KRT25: variants seen among roughly 807,000 people sequenced by gnomAD.
KRT25 encodes keratin 25.
In KRT25, 37 loss-of-function variants were observed where a neutral mutation model predicts 47.6. The observed-to-expected ratio is 0.78, with a 90% CI of 0.60 to 1.02. KRT25 has a LOEUF of 1.02. Ranked by LOEUF, KRT25 falls within the 50% of genes least tolerant of loss-of-function variation. The pLI is 0.00. For synonymous variants in KRT25, 203 were observed against 210.2 expected, an observed-to-expected ratio of 0.97 and a Z score of 0.30; for missense variants, 542 against 550.3, an observed-to-expected ratio of 0.98 and a Z score of 0.15.
chr17:40,754,396 A>G lies in KRT25; in HGVS notation c.502T>C (p.Phe168Leu), dbSNP rs2038084687. 6.2e-7 allele frequency: 1 copy of G among 1,613,606 alleles called. No homozygotes were observed. Among genetic ancestry groups the G allele is most frequent in the African/African-American group, 1.3e-5 (1 of 75,034 alleles). The change falls in exon 2 of 8, where the codon TTC (phenylalanine) becomes CTC (leucine). Residue 168 changes from phenylalanine to leucine, a missense_variant. Coordinates refer to ENST00000312150, the MANE Select transcript of KRT25 (RefSeq NM_181534.4). Reference protein sequence around the residue: ...IDNARLTADDFRLKYENELAL... With the variant: ...IDNARLTADDLRLKYENELAL... ...TGGCAGTCTACTTACTTGAGTCTGA[A>G]ATCATCAGCTGTAAGCCTGGCATTA...
chr17:40,749,338 C>T lies in KRT25; in HGVS notation c.1176-13G>A, dbSNP rs368528063. On this transcript the variant is annotated splice_polypyrimidine_tract_variant and intron_variant, in intron 6 of 7. Transcript: ENST00000312150. Reference sequence around the variant, plus strand: ...AGACTTACAGGCTCTGTGAAAACATCGCAAAAGAGGGTGATTTAGAGAGAA... The same window carrying T: ...AGACTTACAGGCTCTGTGAAAACATTGCAAAAGAGGGTGATTTAGAGAGAA... The T allele has an allele frequency of 2.4e-5, 39 of 1,601,270 alleles. No individual in the cohort carries two copies. Among genetic ancestry groups the T allele is most frequent in the African/African-American group, 1.1e-4 (8 of 74,614 alleles).
chr17:40,755,195 C>T lies in KRT25; in HGVS notation c.77G>A (p.Gly26Glu), dbSNP rs774115108. ...ATTTCCAGTACCAAAGCTGGTTCCC[C>T]CACCATAGAGTCTGAGTGATCCAGT... ...PTTGSLRLYG[G>E]GTSFGTGNSC... is the part of the protein sequence containing the mutation. Residue 26 changes from glycine (G) to glutamate (E), a missense_variant, in exon 1 of 8, where the codon GGG becomes GAG. Coordinates refer to ENST00000312150, the MANE Select transcript of KRT25 (RefSeq NM_181534.4). 7 of 1,614,200 alleles carry T rather than the reference C, an allele frequency of 4.3e-6. No individual in the cohort carries two copies. Among genetic ancestry groups the T allele is most frequent in the Non-Finnish European group, 5.1e-6 (6 of 1,180,036 alleles).
upstream of KRT25, chr17:40,755,348 T>G: frequency 7.0e-7 from 1 of 1,423,452 alleles, no homozygotes; most frequent in Non-Finnish European, 9.5e-7. Flanking sequence ...AAAGGTTTGG[T>G]TTGCCTTTTT....
intron 3 of KRT25, among the ~76,000 whole-genome samples, 177 bp downstream of exon 3, chr17:40,753,683 C>CAAAAAAAAAAAA (rs60610884): frequency 3.3e-5 from 1 of 30,466 alleles, no homozygotes; most frequent in Admixed American, 6.7e-4. Flanking sequence ...GACTCCGTCT[C>CAAAAAAAAAAAA]AAAAAAAAAA....
chr17:40,750,433 G>C lies in KRT25; in HGVS notation c.1122C>G (p.Leu374=), dbSNP rs2038035109. 4 of 1,613,854 alleles carry C rather than the reference G, an allele frequency of 2.5e-6. No individual in the cohort carries two copies. Among genetic ancestry groups the C allele is most frequent in the Non-Finnish European group, 3.4e-6 (4 of 1,179,860 alleles). ...AGGTCTCAATTTCTTTTTCCAGGTG[G>C]AGCTTGATGTCCAGGAGCTGCTCAT... The part of the protein sequence containing the change: ...LEYEQLLDIK[L]HLEKEIETYC... Residue 374 remains leucine, a synonymous_variant, in exon 6 of 8, where the codon CTC becomes CTG. Transcript: ENST00000312150.
chr17:40,749,467 G>A (rs2038026706), intron 6 of KRT25, 142 bp from the exon 7 acceptor site: 1 of 679,726 alleles, frequency 1.5e-6, no homozygotes, highest in South Asian at 1.8e-5. Context: ...TTCTGTAGAG[G>A]TATGAATACC....
upstream of KRT25, chr17:40,755,336 TAA>T: frequency 6.7e-7 from 1 of 1,497,542 alleles, no homozygotes. Flanking sequence ...CCTTCTTGTC[TAA>T]AAGGTTTGGT....
At position 40,755,021 on chromosome 17, in the gene KRT25, T is replaced by G. The variant is rs1325121317; in HGVS notation, c.251A>C (p.Gln84Pro). The G allele has an allele frequency of 5.6e-6, 9 of 1,614,114 alleles. No individual in the cohort carries two copies. The highest frequency in any genetic ancestry group is 7.6e-6 in the Non-Finnish European group (9 of 1,180,058). Reference protein sequence around the residue: ...LLSGNEKVTMQNLNDRLASYL... With the variant: ...LLSGNEKVTMPNLNDRLASYL... ...GGATGCCAGGCGGTCATTGAGGTTC[T>G]GCATGGTCACCTTCTCATTGCCAGA... The change falls in exon 1 of 8, where the codon CAG becomes CCG. Residue 84 changes from glutamine to proline, a missense_variant. Gln to Pro is a moderately conservative substitution (Grantham distance 76). Transcript: ENST00000312150.
intron 6 of KRT25, 60 bp from the exon 7 acceptor site, chr17:40,749,385 C>T: frequency 8.1e-7 from 1 of 1,231,620 alleles, no homozygotes; most frequent in Non-Finnish European, 1.2e-6. Flanking sequence ...CTAGGATCAC[C>T]ATATGGTTTT....
chr17:40,755,130 C>A lies in KRT25; in HGVS notation c.142G>T (p.Ala48Ser). The A allele has an allele frequency of 6.2e-7, 1 of 1,614,174 alleles. No homozygotes were observed. Among genetic ancestry groups the A allele is most frequent in the Non-Finnish European group, 8.5e-7 (1 of 1,180,022 alleles). Residue 48 changes from alanine to serine, a missense_variant, in exon 1 of 8, where the codon GCC becomes TCC. Transcript: ENST00000312150. Reference protein sequence around the residue: ...ISGIGSGFSSAFGGSSSGGNT... With the variant: ...ISGIGSGFSSSFGGSSSGGNT... ...CCTCCCGATGAGCTGCCTCCGAAGG[C>A]ACTAGAGAAGCCACTTCCAATCCCT...
chr17:40,754,371 T>A lies in KRT25; in HGVS notation c.512+15A>T. 5 of 1,605,362 alleles carry A rather than the reference T, an allele frequency of 3.1e-6. No individual in the cohort carries two copies. Among genetic ancestry groups the A allele is most frequent in the Non-Finnish European group, 4.3e-6 (5 of 1,172,282 alleles). On this transcript the variant is annotated intron_variant, in intron 2 of 7. Coordinates refer to ENST00000312150, the MANE Select transcript of KRT25 (RefSeq NM_181534.4). ...GAATTGCCATGAATTCATTTCACTCTGGCAGTCTACTTACTTGAGTCTGAA... is the reference window on the plus strand; with the variant it reads ...GAATTGCCATGAATTCATTTCACTCAGGCAGTCTACTTACTTGAGTCTGAA...
At position 40,750,539 on chromosome 17, in the gene KRT25, G is replaced by T; in HGVS notation, c.1016C>A (p.Ala339Glu). Reference sequence around the variant, plus strand: ...GGCCCCGATCTGAGCCTGGATCTGCGCCAGCTGCGCACAGTAGTTGCTCTC... The same window carrying T: ...GGCCCCGATCTGAGCCTGGATCTGCTCCAGCTGCGCACAGTAGTTGCTCTC... ...ETESNYCAQLAQIQAQIGALE... is the reference protein window; with the variant it reads ...ETESNYCAQLEQIQAQIGALE... The change falls in exon 6 of 8, where the codon GCG becomes GAG. Residue 339 changes from alanine to glutamate, a missense_variant. Physicochemically the swap from Ala to Glu is moderately radical, Grantham distance 107. Coordinates refer to ENST00000312150, the MANE Select transcript of KRT25 (RefSeq NM_181534.4). 6.2e-7 allele frequency: 1 copy of T among 1,614,228 alleles called. No individual in the cohort carries two copies. The highest frequency in any genetic ancestry group is 1.1e-5 in the South Asian group (1 of 91,084).
rs753281477 is a variant in KRT25, at chr17:40,754,931, C to G, written c.341G>C (p.Trp114Ser). 1 of 1,614,122 alleles carries G rather than the reference C, an allele frequency of 6.2e-7. No homozygotes were observed. The highest frequency in any genetic ancestry group is 8.5e-7 in the Non-Finnish European group (1 of 1,180,030). Residue 114 changes from tryptophan (W) to serine (S), a missense_variant, in exon 1 of 8, where the codon TGG becomes TCG. Coordinates refer to ENST00000312150, the MANE Select transcript of KRT25 (RefSeq NM_181534.4). The stretch of plus-strand genomic sequence containing the variant: ...AGAGCCAGGCCCAAATTTCTCATAC[C>G]AGCCCTTGATCTTCTGCTCCAGGTC... ...NADLEQKIKG[W>S]YEKFGPGSCR...
rs780067315 is a variant in KRT25, at chr17:40,754,863, T to G, written c.409A>C (p.Ile137Leu). Reference sequence around the variant, plus strand: ...CTTACCTGATTTTTAAGGTCATCAATTATTGGGAAATATCTGCTATAGTCA... The same window carrying G: ...CTTACCTGATTTTTAAGGTCATCAAGTATTGGGAAATATCTGCTATAGTCA... Reference protein sequence around the residue: ...DHDYSRYFPIIDDLKNQIIAS... With the variant: ...DHDYSRYFPILDDLKNQIIAS... The change falls in exon 1 of 8, where the codon ATT becomes CTT. Residue 137 changes from isoleucine (I) to leucine (L), a missense_variant. By Grantham distance (5) the Ile-to-Leu change is conservative. Coordinates refer to ENST00000312150, the MANE Select transcript of KRT25 (RefSeq NM_181534.4). 102 of 1,612,394 alleles carry G rather than the reference T, an allele frequency of 6.3e-5. No individual in the cohort carries two copies. Among genetic ancestry groups the G allele is most frequent in the Non-Finnish European group, 6.5e-5 (77 of 1,179,074 alleles).
chr17:40,754,706 A>G (rs529843047), intron 1 of KRT25, 137 bp downstream of exon 1: 405 of 972,546 alleles, frequency 4.2e-4, no homozygotes, highest in Non-Finnish European at 5.2e-4. Flanking sequence ...CAACAAGAGC[A>G]AAACTCCTTC....
At position 40,748,099 on chromosome 17, in the gene KRT25, T is replaced by C. The variant is rs2038012274; in HGVS notation, c.*178A>G. On this transcript the variant is annotated 3_prime_UTR_variant, in exon 8 of 8. Transcript: ENST00000312150. ...GTAGGATAATCAAATGAGTCATATT[T>C]GTGTGTGGCATTCTTCTAGATGAAT... is the stretch of plus-strand genomic sequence containing the variant. The C allele has an allele frequency of 2.9e-5, 14 of 477,332 alleles. No individual in the cohort carries two copies. Among genetic ancestry groups the C allele is most frequent in the Admixed American group, 1.2e-4 (3 of 25,016 alleles). 29.6% of individuals were successfully genotyped at this position (477,332 alleles called of 1,614,324 possible).
Position 40,751,258 on chromosome 17 carries a change from C to T in KRT25, c.738G>A (p.Val246=). Residue 246 remains valine, a synonymous_variant, in exon 4 of 8, where the codon GTG becomes GTA. Coordinates refer to ENST00000312150, the MANE Select transcript of KRT25 (RefSeq NM_181534.4). ...VNVEMNAAPG[V]DLTVLLNNMR... ...TGTTGTTCAGCAGAACTGTGAGGTC[C>T]ACCCCGGGGGCTGCGTTCATCTCCA... is the stretch of plus-strand genomic sequence containing the variant. 6.2e-7 allele frequency: 1 copy of T among 1,614,184 alleles called. No individual in the cohort carries two copies. Among genetic ancestry groups the T allele is most frequent in the African/African-American group, 1.3e-5 (1 of 75,056 alleles).
chr17:40,748,342 C>A lies in KRT25; in HGVS notation c.1288G>T (p.Asp430Tyr). Residue 430 changes from aspartate (D) to tyrosine (Y), a missense_variant, in exon 8 of 8, where the codon GAC becomes TAC. Physicochemically the swap from Asp to Tyr is radical, Grantham distance 160. Coordinates refer to ENST00000312150, the MANE Select transcript of KRT25 (RefSeq NM_181534.4). ...IVVKKVLEEVDQRSKILTTRL... is the reference protein window; with the variant it reads ...IVVKKVLEEVYQRSKILTTRL... Reference sequence around the variant, plus strand: ...GTGGTAAGTATTTTGCTGCGTTGGTCTACCTCCTCAAGAACTTTCTTAACC... The same window carrying A: ...GTGGTAAGTATTTTGCTGCGTTGGTATACCTCCTCAAGAACTTTCTTAACC... 1 of 1,613,114 alleles carries A rather than the reference C, an allele frequency of 6.2e-7. No homozygotes were observed. Among genetic ancestry groups the A allele is most frequent in the Non-Finnish European group, 8.5e-7 (1 of 1,179,544 alleles).
intron 7 of KRT25, 88 bp from the exon 8 acceptor site, chr17:40,748,474 C>T (rs1042449430): frequency 8.5e-6 from 7 of 826,616 alleles, no homozygotes; most frequent in African/African-American, 7.1e-5. Flanking sequence ...GATTTGCATA[C>T]AGAATGAACT....
Sources: allele counts gnomAD v4.1 joint callset (sites outside exome capture counted in the v4.1 genomes callset), GRCh38; gene constraint gnomAD v4.1.1; transcripts MANE v1.5; gene names NCBI Gene and HGNC (gene_info 2026-07-23, HGNC 2026-07-21).